The following NIBAN1 variants were observed in gnomAD, a reference collection of about 807,000 sequenced individuals.
NIBAN1 encodes the protein protein Niban 1.
Under a neutral mutation model 75.1 loss-of-function variants are expected in NIBAN1, and 81 were observed. The observed-to-expected ratio is 1.08, with a 90% CI of 0.90 to 1.30. NIBAN1 has a LOEUF of 1.30. Ranked by LOEUF, NIBAN1 falls within the 50% of genes most tolerant of loss-of-function variation. The pLI is 0.00. For missense variants in NIBAN1, 1,133 were observed against 1,128.1 expected (o/e 1.00, Z -0.06); for synonymous variants, 436 against 424.8 (o/e 1.03, Z -0.32).
chr1:184,909,467 A>G (rs1657185305), intron 1 of NIBAN1, among the ~76,000 whole-genome samples: 1 of 152,158 alleles, frequency 6.6e-6, no homozygotes, highest in Non-Finnish European at 1.5e-5. Context: ...ATATGCTTGC[A>G]TTCTGTTAGT....
chr1:184,806,411 T>C (rs972155270), intron 10 of NIBAN1, among the ~76,000 whole-genome samples: 2 of 152,186 alleles, frequency 1.3e-5, no homozygotes, highest in African/African-American at 4.8e-5. Flanking sequence ...TTTAAGTAGA[T>C]GTAAACCGCT....
chr1:184,950,220 T>C (rs891440273), intron 1 of NIBAN1, among the ~76,000 whole-genome samples: 2 of 152,158 alleles, frequency 1.3e-5, no homozygotes, highest in Non-Finnish European at 2.9e-5. Context: ...TATAATGGTC[T>C]CTATTATCTT....
chr1:184,891,747 A>G (rs1465520071), intron 3 of NIBAN1, among the ~76,000 whole-genome samples: 1 of 152,206 alleles, frequency 6.6e-6, no homozygotes, highest in African/African-American at 2.4e-5. Flanking sequence ...TGCCAGCCAG[A>G]ATTGGACTCT....
intron 1 of NIBAN1, among the ~76,000 whole-genome samples, chr1:184,908,473 T>C (rs771151144): frequency 2.6e-5 from 4 of 152,202 alleles, no homozygotes; most frequent in Middle Eastern, 3.2e-3. Context: ...ATGTTACTAT[T>C]CCCACTACCT....
At chr1:184,838,294 T>C (rs1484732644) in intron 5 of NIBAN1, among the ~76,000 whole-genome samples, 2 of 152,216 alleles carry the variant, frequency 1.3e-5, no homozygotes, top group Non-Finnish European at 2.9e-5. Context: ...ATTTAAAAAC[T>C]GTGATTCTGT....
chr1:184,902,294 G>A (rs2101992727), intron 1 of NIBAN1, among the ~76,000 whole-genome samples: 1 of 152,270 alleles, frequency 6.6e-6, no homozygotes, highest in East Asian at 1.9e-4. Context: ...GAATCAGACA[G>A]GTTCAAATCC....
intron 5 of NIBAN1, among the ~76,000 whole-genome samples, chr1:184,839,251 T>C (rs1655217093): frequency 6.6e-6 from 1 of 152,208 alleles, no homozygotes; most frequent in Non-Finnish European, 1.5e-5. Flanking sequence ...GCCACTTACC[T>C]CTAAAGTCCT....
intron 1 of NIBAN1, among the ~76,000 whole-genome samples, chr1:184,960,623 A>ATGTTGTTGGTGT (rs1658606184): frequency 6.7e-6 from 1 of 150,106 alleles, no homozygotes; most frequent in Non-Finnish European, 1.5e-5. Context: ...CAACAACAAA[A>ATGTTGTTGGTGT]TGTTGTTGTT....
chr1:184,874,596 G>A (rs1220645719), intron 5 of NIBAN1, among the ~76,000 whole-genome samples: 1 of 151,784 alleles, frequency 6.6e-6, no homozygotes, highest in Non-Finnish European at 1.5e-5. Context: ...ATATGTGTGT[G>A]CTTATATATA....
At position 184,857,717 on chromosome 1, in the gene NIBAN1, C is replaced by A. The variant is rs546023269; in HGVS notation, c.602-25755G>T. ...ATATACATATGTGTCTTGAGGTTAT[C>A]TAGGTATTCTTTTCTCTTTTCATAT... On this transcript the variant is annotated intron_variant, in intron 5 of 13. Transcript: ENST00000367511. Among the ~76,000 whole-genome samples the A allele has an allele frequency of 2.6e-5, 4 of 152,080 alleles. No individual in the cohort carries two copies. The East Asian group carries it at 5.8e-4, about 22-fold the overall frequency.
At chr1:184,842,898 GT>G (rs1655332976) in intron 5 of NIBAN1, among the ~76,000 whole-genome samples, 2 of 141,060 alleles carry the variant, frequency 1.4e-5, no homozygotes, top group African/African-American at 6.3e-5. Context: ...TACACATCAC[GT>G]TTGAGAAAAA....
intron 1 of NIBAN1, among the ~76,000 whole-genome samples, chr1:184,911,649 G>A (rs1293366732): frequency 6.6e-6 from 1 of 152,116 alleles, no homozygotes; most frequent in African/African-American, 2.4e-5. Context: ...ACAAAATCAA[G>A]GTTAAAAAGT....
chr1:184,840,912 G>C (rs769755942), intron 5 of NIBAN1, among the ~76,000 whole-genome samples: 14 of 151,820 alleles, frequency 9.2e-5, no homozygotes, highest in Non-Finnish European at 1.6e-4. Flanking sequence ...GAAATCTCCA[G>C]GGCATTGCCT....
intron 1 of NIBAN1, among the ~76,000 whole-genome samples, chr1:184,954,114 G>A (rs183254123): frequency 4.6e-5 from 7 of 152,178 alleles, no homozygotes; most frequent in African/African-American, 7.2e-5. Context: ...CATACACAAC[G>A]GCTCAAATGT....
At chr1:184,802,262 G>A (rs770691850) in intron 12 of NIBAN1, among the ~76,000 whole-genome samples, 2 of 152,058 alleles carry the variant, frequency 1.3e-5, no homozygotes, top group Non-Finnish European at 2.9e-5. Flanking sequence ...AAAATTACAA[G>A]AGCCTCTTAC....
At chr1:184,802,083 G>A (rs1654060964) in intron 12 of NIBAN1, among the ~76,000 whole-genome samples, 1 of 152,114 alleles carries the variant, frequency 6.6e-6, no homozygotes, top group Admixed American at 6.6e-5. Context: ...TAGAACCAAG[G>A]GAAATGCACT....
rs756096734 is a variant in NIBAN1, at chr1:184,823,357, G to A, written c.823-28C>T. The A allele has an allele frequency of 4.3e-6, 7 of 1,612,434 alleles. No homozygotes were observed. In the Admixed American group the frequency reaches 1.2e-4, roughly 27 times the overall value. On this transcript the variant is annotated intron_variant, in intron 7 of 13. Coordinates refer to ENST00000367511, the MANE Select transcript of NIBAN1 (RefSeq NM_052966.4). Reference sequence around the variant, plus strand: ...GCAACAAGGAATAACACATAAATCAGGGCTCTGTCACGTGTAAGCACTGAT... The same window carrying A: ...GCAACAAGGAATAACACATAAATCAAGGCTCTGTCACGTGTAAGCACTGAT...
At chr1:184,839,002 G>T (rs1409866777) in intron 5 of NIBAN1, among the ~76,000 whole-genome samples, 1 of 152,166 alleles carries the variant, frequency 6.6e-6, no homozygotes, top group African/African-American at 2.4e-5. Flanking sequence ...ATGCAGTGAG[G>T]CTGTGTGCCC....
At chr1:184,876,162 A>G (rs1656228302) in intron 5 of NIBAN1, among the ~76,000 whole-genome samples, 1 of 151,614 alleles carries the variant, frequency 6.6e-6, no homozygotes, top group Admixed American at 6.6e-5. Flanking sequence ...AATAAGAGTG[A>G]AACTTCGTCT....
Sources: gnomAD v4.1 joint callset for allele counts (sites outside exome capture counted in the v4.1 genomes callset) on GRCh38, gnomAD v4.1.1 for gene constraint, MANE v1.5 for transcripts, NCBI Gene and HGNC (gene_info 2026-07-23, HGNC 2026-07-21) for gene names.